Variants in ATP7A observed in about 807,000 individuals in gnomAD.
ATP7A encodes copper-transporting ATPase 1.
Under a neutral mutation model 83.5 loss-of-function variants are expected in ATP7A, and 7 were observed. The observed-to-expected ratio is 0.08, with a 90% CI of 0.05 to 0.16. ATP7A has a LOEUF of 0.16. Among genes scored for constraint, ATP7A ranks in the 10% least tolerant of loss-of-function variants. The probability of loss-of-function intolerance (pLI) is 1.00; values close to 1 mark genes in which losing one functional copy is unlikely to be tolerated. For missense variants in ATP7A, 940 were observed against 1,120.8 expected (o/e 0.84, Z 2.30); for synonymous variants, 354 against 395.2 (o/e 0.90, Z 1.24).
chrX:77,989,854 C>G lies in ATP7A; in HGVS notation c.1232C>G (p.Ser411Cys). The G allele has an allele frequency of 8.3e-7, 1 of 1,210,438 alleles. No individual in the cohort carries two copies. Among genetic ancestry groups the G allele is most frequent in the Non-Finnish European group, 1.1e-6 (1 of 894,589 alleles). Reference protein sequence around the residue: ...KKPGVKSIRVSLANSNGTVEY... With the variant: ...KKPGVKSIRVCLANSNGTVEY... Reference sequence around the variant, plus strand: ...CCAGGTGTAAAATCCATACGAGTCTCCCTTGCAAATAGCAATGGGACTGTT... The same window carrying G: ...CCAGGTGTAAAATCCATACGAGTCTGCCTTGCAAATAGCAATGGGACTGTT... The change falls in exon 4 of 23, where the codon TCC (serine) becomes TGC (cysteine). Residue 411 changes from serine (S) to cysteine (C), a missense_variant. By Grantham distance (112) the Ser-to-Cys change is moderately radical. Around this residue, in one of 3 missense-constraint regions of ATP7A, gnomAD observed 350 missense variants for 432.8 expected, o/e 0.81. Transcript: ENST00000341514.
chrX:78,005,958 ATTTCT>A (rs1324333511), intron 6 of ATP7A, among the ~76,000 whole-genome samples: 4 of 111,443 alleles, frequency 3.6e-5, no homozygotes, highest in African/African-American at 1.3e-4. Flanking sequence ...GCACCCCAAA[ATTTCT>A]TTTCTATGAT....
chrX:77,953,314 G>A (rs1427755375), intron 1 of ATP7A, among the ~76,000 whole-genome samples: 1 of 111,183 alleles, frequency 9.0e-6, no homozygotes, highest in Non-Finnish European at 1.9e-5. Context: ...TTTATATTCG[G>A]GGGTACATGT....
chrX:78,039,805 T>C (rs2078036106), intron 18 of ATP7A, among the ~76,000 whole-genome samples: 1 of 112,442 alleles, frequency 8.9e-6, no homozygotes, highest in Non-Finnish European at 1.9e-5. Flanking sequence ...TATTTTATTA[T>C]GCTTTATTTT....
At chrX:77,976,134 T>C (rs368607636) in intron 2 of ATP7A, among the ~76,000 whole-genome samples, 1 of 112,185 alleles carries the variant, frequency 8.9e-6, no homozygotes, top group East Asian at 2.8e-4. Flanking sequence ...GTTAATATCA[T>C]AATGAAAGCT....
chrX:77,950,808 G>A (rs2077408864), intron 1 of ATP7A, among the ~76,000 whole-genome samples: 1 of 110,967 alleles, frequency 9.0e-6, no homozygotes, highest in African/African-American at 3.3e-5. Flanking sequence ...CAGATCACAA[G>A]GTCAGGAGAT....
At chrX:78,005,683 C>CAAAAAAAAAAAAAA (rs1218646073) in intron 6 of ATP7A, among the ~76,000 whole-genome samples, 54 of 13,644 alleles carry the variant, frequency 4.0e-3, no homozygotes, top group South Asian at 7.9e-3. Flanking sequence ...AACTCCATCT[C>CAAAAAAAAAAAAAA]AAAAAAAAAA....
chrX:78,007,551 T>C (rs1311751806), intron 6 of ATP7A, among the ~76,000 whole-genome samples: 6 of 111,775 alleles, frequency 5.4e-5, no homozygotes, highest in Non-Finnish European at 7.5e-5. Context: ...GGTCTCGATC[T>C]CCTGACCTCG....
intron 2 of ATP7A, among the ~76,000 whole-genome samples, chrX:77,974,148 G>C (rs1215579871): frequency 7.0e-5 from 7 of 99,922 alleles, no homozygotes; most frequent in Non-Finnish European, 1.2e-4. Context: ...AAGGTATATA[G>C]TTTTTTTTTT....
intron 1 of ATP7A, among the ~76,000 whole-genome samples, chrX:77,914,728 G>A (rs2077176599): frequency 9.0e-6 from 1 of 110,954 alleles, no homozygotes; most frequent in African/African-American, 3.3e-5. Context: ...GTTAAAAATG[G>A]TGTCTTAATT....
chrX:78,033,550 A>T, intron 16 of ATP7A, 55 bp from the exon 17 acceptor site: 1 of 1,110,613 alleles, frequency 9.0e-7, no homozygotes, highest in Non-Finnish European at 1.2e-6. Context: ...CTTGCTAATG[A>T]ATGACCTTGC....
At chrX:77,966,789 C>A (rs1557228800) in intron 1 of ATP7A, 1 of 328,096 alleles carries the variant, frequency 3.0e-6, no homozygotes, top group South Asian at 2.6e-5. Context: ...TTTTTCATTT[C>A]TTCTAAAAAA....
At chrX:77,963,978 GCTTTTACAC>G (rs1377186131) in intron 1 of ATP7A, 1 of 111,952 alleles carries the variant, frequency 8.9e-6, no homozygotes, top group East Asian at 2.8e-4. Flanking sequence ...TATGGTTACT[GCTTTTACAC>G]TTAATATTTT....
intron 17 of ATP7A, among the ~76,000 whole-genome samples, chrX:78,037,082 C>A (rs1169890452): frequency 9.0e-6 from 1 of 110,964 alleles, no homozygotes; most frequent in Admixed American, 9.6e-5. Context: ...ACAGGAGGGA[C>A]GGTATTGGGA....
At chrX:77,946,215 T>A (rs1557226152) in intron 1 of ATP7A, among the ~76,000 whole-genome samples, 1 of 106,620 alleles carries the variant, frequency 9.4e-6, no homozygotes, top group African/African-American at 3.5e-5. Flanking sequence ...GGCAGGAGAA[T>A]CACTTGAACC....
At chrX:78,027,992 G>A (rs113947852) in intron 14 of ATP7A, among the ~76,000 whole-genome samples, 6,108 of 103,915 alleles carry the variant, frequency 0.059, 409 homozygotes, top group African/African-American at 0.2. Flanking sequence ...AAGTTTTTTT[G>A]GTATTTATTT....
At chrX:77,996,654 G>A (rs2077706759) in intron 4 of ATP7A, among the ~76,000 whole-genome samples, 1 of 111,021 alleles carries the variant, frequency 9.0e-6, no homozygotes, top group East Asian at 2.8e-4. Context: ...TACCTCTTAT[G>A]ACTTATTTTA....
intron 2 of ATP7A, among the ~76,000 whole-genome samples, chrX:77,972,856 TTTTG>T (rs782459833): frequency 2.8e-5 from 3 of 108,856 alleles, no homozygotes; most frequent in Non-Finnish European, 3.8e-5. Flanking sequence ...ATTATTGGTT[TTTTG>T]TTTGTTTGTT....
intron 1 of ATP7A, among the ~76,000 whole-genome samples, chrX:77,946,294 T>C (rs1557226167): frequency 9.7e-6 from 1 of 103,587 alleles, no homozygotes; most frequent in African/African-American, 3.5e-5. Flanking sequence ...GGCGAGACTC[T>C]GTCTCAAAAA....
At chrX:78,031,062 G>A (rs1319474028) in intron 15 of ATP7A, among the ~76,000 whole-genome samples, 1 of 110,799 alleles carries the variant, frequency 9.0e-6, no homozygotes, top group African/African-American at 3.3e-5. Flanking sequence ...TCATTATATT[G>A]AAAGCCTTTC....
Sources: gnomAD v4.1 joint callset for allele counts (sites outside exome capture counted in the v4.1 genomes callset) on GRCh38, gnomAD v4.1.1 for gene constraint, gnomAD v4.1.1 regional missense constraint, MANE v1.5 for transcripts, NCBI Gene and HGNC (gene_info 2026-07-23, HGNC 2026-07-21) for gene names.